COL4A2: variants seen among roughly 807,000 people sequenced by gnomAD.
The protein encoded by COL4A2 is collagen type IV alpha 2 chain.
Under a neutral mutation model 200.2 loss-of-function variants are expected in COL4A2, and 99 were observed. The ratio of observed to expected loss-of-function variants is 0.49; its 90% CI spans 0.42 to 0.58. The LOEUF (loss-of-function observed/expected upper bound fraction) is 0.58, where lower values mean the gene tolerates loss of function less well. Ranked by LOEUF, COL4A2 falls within the 20% of genes least tolerant of loss-of-function variation. The pLI is 0.00. For synonymous variants in COL4A2, 897 were observed against 900.6 expected (o/e 1.00, Z 0.07); for missense variants, 1,950 against 2,314.1 (o/e 0.84, Z 3.23).
At chr13:110,352,611 C>T (rs1163344805) in intron 3 of COL4A2, among the ~76,000 whole-genome samples, 1 of 152,020 alleles carries the variant, frequency 6.6e-6, no homozygotes, top group Non-Finnish European at 1.5e-5. Flanking sequence ...TGCCCTTTGT[C>T]ATGTTAGTTT....
intron 4 of COL4A2, among the ~76,000 whole-genome samples, chr13:110,396,453 C>A (rs1879185697): frequency 6.6e-6 from 1 of 152,106 alleles, no homozygotes; most frequent in African/African-American, 2.4e-5. Flanking sequence ...CTTGAGTAGC[C>A]CTCTGGGTTG....
chr13:110,380,240 C>T (rs1267230349), intron 4 of COL4A2, among the ~76,000 whole-genome samples: 1 of 152,194 alleles, frequency 6.6e-6, no homozygotes, highest in Non-Finnish European at 1.5e-5. Flanking sequence ...TGAAGGAAGT[C>T]TTCTGAGAGG....
At chr13:110,471,878 G>A (rs530672621) in intron 28 of COL4A2, among the ~76,000 whole-genome samples, 9 of 152,230 alleles carry the variant, frequency 5.9e-5, no homozygotes, top group Non-Finnish European at 8.8e-5. Context: ...CAGTCTCATC[G>A]TTGCAGGCTT....
chr13:110,465,194 G>A (rs891311811), intron 24 of COL4A2, among the ~76,000 whole-genome samples: 6 of 152,124 alleles, frequency 3.9e-5, no homozygotes, highest in East Asian at 1.9e-4. Context: ...TTCCAGAACC[G>A]GCTTCCGTGG....
intron 3 of COL4A2, among the ~76,000 whole-genome samples, chr13:110,338,642 G>A (rs1342100803): frequency 6.6e-6 from 1 of 152,240 alleles, no homozygotes; most frequent in Non-Finnish European, 1.5e-5. Flanking sequence ...AACGTGCAAG[G>A]CAGCCAAGGC....
chr13:110,342,863 G>T (rs9645914), intron 3 of COL4A2, among the ~76,000 whole-genome samples: 21,724 of 152,090 alleles, frequency 0.14, 1,800 homozygotes, highest in Middle Eastern at 0.25. Flanking sequence ...TAGCACTCTG[G>T]AGCCCAGGAA....
intron 20 of COL4A2, among the ~76,000 whole-genome samples, chr13:110,453,779 C>T (rs1310806979): frequency 6.6e-6 from 1 of 152,230 alleles, no homozygotes; most frequent in African/African-American, 2.4e-5. Context: ...AACTTAAGTC[C>T]TCTAATTATA....
intron 45 of COL4A2, among the ~76,000 whole-genome samples, chr13:110,505,044 A>G (rs1883794097): frequency 6.6e-6 from 1 of 151,838 alleles, no homozygotes; most frequent in Non-Finnish European, 1.5e-5. Flanking sequence ...TGAGCATTAA[A>G]ATTAAAATTA....
chr13:110,406,503 A>G (rs1272019737), intron 4 of COL4A2, among the ~76,000 whole-genome samples: 2 of 152,220 alleles, frequency 1.3e-5, no homozygotes, highest in Admixed American at 6.5e-5. Context: ...ACTGGCTCCA[A>G]TAGAAGCAAA....
At chr13:110,434,555 G>A in intron 12 of COL4A2, 113 bp downstream of exon 12, 1 of 1,058,374 alleles carries the variant, frequency 9.4e-7, no homozygotes, top group Non-Finnish European at 1.4e-6. Context: ...GAGTTGATCT[G>A]CAGACAGACC....
At chr13:110,349,899 T>A (rs78386308) in intron 3 of COL4A2, among the ~76,000 whole-genome samples, 13,660 of 152,146 alleles carry the variant, frequency 0.09, 2,049 homozygotes, top group African/African-American at 0.31. Context: ...GAGTAGTTGG[T>A]ATTACAAGCG....
chr13:110,480,436 G>A, intron 31 of COL4A2, 46 bp downstream of exon 31: 1 of 1,565,100 alleles, frequency 6.4e-7, no homozygotes. Flanking sequence ...GGGAGGTTGG[G>A]TCTAATCAAC....
At chr13:110,368,848 A>G (rs1594173640) in intron 4 of COL4A2, among the ~76,000 whole-genome samples, 1 of 126,768 alleles carries the variant, frequency 7.9e-6, no homozygotes, top group Non-Finnish European at 1.7e-5. Flanking sequence ...GCCAAAGAAA[A>G]GGGGGGGGGG....
intron 4 of COL4A2, among the ~76,000 whole-genome samples, chr13:110,417,516 G>C (rs1341171514): frequency 2.0e-5 from 3 of 152,146 alleles, no homozygotes; most frequent in African/African-American, 7.2e-5. Context: ...TGACATGCAA[G>C]TCATTGAATA....
chr13:110,467,141 C>G, intron 27 of COL4A2, 45 bp downstream of exon 27: 2 of 1,611,674 alleles, frequency 1.2e-6, no homozygotes, highest in Non-Finnish European at 8.5e-7. Context: ...CTTCCTCCCA[C>G]ATCTTCACAC....
intron 4 of COL4A2, among the ~76,000 whole-genome samples, chr13:110,376,021 A>C (rs1258580203): frequency 6.6e-6 from 1 of 152,178 alleles, no homozygotes; most frequent in Non-Finnish European, 1.5e-5. Flanking sequence ...ATACATCATT[A>C]TGCAGAGTAA....
At chr13:110,413,595 A>G (rs1879931135) in intron 4 of COL4A2, among the ~76,000 whole-genome samples, 3 of 152,176 alleles carry the variant, frequency 2.0e-5, no homozygotes, top group Admixed American at 2.0e-4. Flanking sequence ...ACTCAGTTAG[A>G]CTGGAGAGTG....
chr13:110,488,578 A>G (rs1042891768), intron 34 of COL4A2, among the ~76,000 whole-genome samples: 1 of 152,164 alleles, frequency 6.6e-6, no homozygotes, highest in Non-Finnish European at 1.5e-5. Context: ...GCACAGCCCC[A>G]TATCTGTGTT....
At chr13:110,323,160 G>A (rs11840839) in intron 3 of COL4A2, among the ~76,000 whole-genome samples, 13,388 of 152,236 alleles carry the variant, frequency 0.088, 1,947 homozygotes, top group African/African-American at 0.3. Flanking sequence ...TCAGTCCATG[G>A]GAAGTCCATA....
Sources: gnomAD v4.1 joint callset for allele counts (sites outside exome capture counted in the v4.1 genomes callset) on GRCh38, gnomAD v4.1.1 for gene constraint, MANE v1.5 for transcripts, NCBI Gene and HGNC (gene_info 2026-07-23, HGNC 2026-07-21) for gene names.